EEF2: variants seen among roughly 807,000 people sequenced by gnomAD.
The protein encoded by EEF2 is elongation factor 2.
A neutral mutation model predicts 85.3 loss-of-function variants in EEF2; 21 were observed. The observed-to-expected ratio is 0.25, with a 90% CI of 0.17 to 0.35. The LOEUF (loss-of-function observed/expected upper bound fraction) is 0.35. Among genes scored for constraint, EEF2 ranks in the 10% least tolerant of loss-of-function variants. The pLI, the probability that EEF2 is intolerant of heterozygous loss-of-function variation, is 1.00. For synonymous variants in EEF2, 723 were observed against 508.8 expected (o/e 1.42, Z -5.67); for missense variants, 825 against 1,225.3 (o/e 0.67, Z 4.88).
chr19:3,977,990 C>T lies in EEF2; in HGVS notation c.1896G>A (p.Ala632=), dbSNP rs373062093. ...ACTCGTACTTCTCGGCCAGGTAGCGCGCCCGCTGCTTGAGCTCCTGACGGG... is the reference window on the plus strand; with the variant it reads ...ACTCGTACTTCTCGGCCAGGTAGCGTGCCCGCTGCTTGAGCTCCTGACGGG... ...VSARQELKQR[A]RYLAEKYEWD... The change falls in exon 12 of 15, where the codon GCG becomes GCA. Residue 632 remains alanine, a synonymous_variant. Coordinates refer to ENST00000309311, the MANE Select transcript of EEF2 (RefSeq NM_001961.4). This position sits in a 1 kb window ranked among gnomAD's most constrained non-coding sequence, Gnocchi z 5.4. 2.9e-5 allele frequency: 46 copies of T among 1,612,706 alleles called. No individual in the cohort carries two copies. The highest frequency in any genetic ancestry group is 1.7e-4 in the Middle Eastern group (1 of 6,056).
chr19:3,980,915 G>A lies in EEF2; in HGVS notation c.1076C>T (p.Pro359Leu). ...ALLQMITIHL[P>L]SPVTAQKYRC... ...GTACTTCTGGGCCGTCACAGGGGAG[G>A]GCAGGTGGATGGTGATCATCTGCAA... The change falls in exon 8 of 15, where the codon CCC becomes CTC. Residue 359 changes from proline to leucine, a missense_variant. Transcript: ENST00000309311. 1 of 1,568,614 alleles carries A rather than the reference G, an allele frequency of 6.4e-7. No homozygotes were observed. Among genetic ancestry groups the A allele is most frequent in the Non-Finnish European group, 8.6e-7 (1 of 1,157,900 alleles).
chr19:3,980,407 T>A, intron 9 of EEF2, 107 bp downstream of exon 9: 1 of 1,361,240 alleles, frequency 7.3e-7, no homozygotes, highest in East Asian at 2.4e-5. Flanking sequence ...CACCCTATAT[T>A]CCTTCTATGC....
At position 3,977,063 on chromosome 19, in the gene EEF2, G is replaced by T; in HGVS notation, c.2383+152C>A. On this transcript the variant is annotated intron_variant, in intron 14 of 14. Coordinates refer to ENST00000309311, the MANE Select transcript of EEF2 (RefSeq NM_001961.4). The surrounding 1 kb of genome is among the most constrained non-coding windows in gnomAD (Gnocchi z 5.4). ...CCCCTGGGAATTCAGTGATTTAGGG[G>T]GTCCACAAGCTGTCAGAAACTGGAC... The T allele has an allele frequency of 8.5e-7, 1 of 1,173,620 alleles. No homozygotes were observed. The highest frequency in any genetic ancestry group is 2.6e-5 in the East Asian group (1 of 39,074). 72.7% of individuals were successfully genotyped at this position (1,173,620 alleles called of 1,614,324 possible).
In EEF2 at chr19:3,982,260, C is replaced by G; in HGVS notation, c.777G>C (p.Lys259Asn). ...GCGGGGCTCACCTGTCACCCCACAG[C>G]TTCTTCATCATGTCCTCTACTTTCT... ...RAKKVEDMMK[K>N]LWGDRYFDPA... The change falls in exon 5 of 15, where the codon AAG (lysine) becomes AAC (asparagine). Residue 259 changes from lysine (K) to asparagine (N), a missense_variant. Lys to Asn is a moderately conservative substitution (Grantham distance 94). Transcript: ENST00000309311. The G allele has an allele frequency of 6.2e-7, 1 of 1,614,172 alleles. No homozygotes were observed. The highest frequency in any genetic ancestry group is 2.2e-5 in the East Asian group (1 of 44,878).
In EEF2 at chr19:3,976,482, C is replaced by CT. The variant is rs2039681132; in HGVS notation, c.*71dup. ...TGTCGGGACAGTCTCCAGGTGTCGT[C>CT]TGAGAATTCGAGGACGTGGTGCTGT... On this transcript the variant is annotated 3_prime_UTR_variant, in exon 15 of 15. Transcript: ENST00000309311. 6.6e-7 allele frequency: 1 copy of CT among 1,525,412 alleles called. No individual in the cohort carries two copies. Among genetic ancestry groups the CT allele is most frequent in the South Asian group, 1.2e-5 (1 of 83,404 alleles). 94.5% of individuals were successfully genotyped at this position (1,525,412 alleles called of 1,614,324 possible). A position where few individuals can be genotyped will look rare whatever the true frequency, so the allele number is the denominator to read the frequency against.
intron 11 of EEF2, 96 bp from the exon 12 acceptor site, chr19:3,978,268 C>T: frequency 9.0e-7 from 1 of 1,107,262 alleles, no homozygotes; most frequent in Non-Finnish European, 1.2e-6. Context: ...AGGCGGACCT[C>T]ATACAGCCTG....
In EEF2 at chr19:3,983,269, G is replaced by A. The variant is rs905404443; in HGVS notation, c.241C>T (p.Leu81Phe). 18 of 1,613,630 alleles carry A rather than the reference G, an allele frequency of 1.1e-5. No individual in the cohort carries two copies. Among genetic ancestry groups the A allele is most frequent in the Non-Finnish European group, 1.4e-5 (16 of 1,179,892 alleles). Residue 81 changes from leucine (L) to phenylalanine (F), a missense_variant, in exon 3 of 15, where the codon CTC (leucine) becomes TTC (phenylalanine). Coordinates refer to ENST00000309311, the MANE Select transcript of EEF2 (RefSeq NM_001961.4). The stretch of plus-strand genomic sequence containing the variant: ...ATGAAGTTCAAGTCATTCTCCGAGA[G>A]CTCGTAGAAGAGGGAGATGGCACTG... ...KSTAISLFYELSENDLNFIKQ... is the reference protein window; with the variant it reads ...KSTAISLFYEFSENDLNFIKQ...
chr19:3,982,486 G>T (rs753082014), intron 4 of EEF2, 62 bp from the exon 5 acceptor site: 10 of 1,605,402 alleles, frequency 6.2e-6, no homozygotes, highest in Non-Finnish European at 7.7e-6. Context: ...GAAGCTACGG[G>T]CTGGGCGCCT....
chr19:3,985,337 C>A, intron 1 of EEF2, 41 bp downstream of exon 1: 1 of 1,449,040 alleles, frequency 6.9e-7, no homozygotes, highest in Non-Finnish European at 9.1e-7. Flanking sequence ...CGCGGAGGCC[C>A]CGCCGCCGCT....
chr19:3,976,787 G>T, intron 14 of EEF2, 40 bp from the exon 15 acceptor site: 1 of 1,489,400 alleles, frequency 6.7e-7, no homozygotes. Flanking sequence ...CCATCGAGAA[G>T]GTGGCAGGGC....
chr19:3,981,557 C>T (rs1025259936), intron 6 of EEF2, 105 bp from the exon 7 acceptor site: 5 of 1,093,728 alleles, frequency 4.6e-6, no homozygotes, highest in Admixed American at 3.8e-5. Context: ...GGGGACGCAG[C>T]ACGGGAGCAG....
At chr19:3,979,571 C>T (rs2039719903) in intron 10 of EEF2, 135 bp from the exon 11 acceptor site, 2 of 943,118 alleles carry the variant, frequency 2.1e-6, no homozygotes, top group South Asian at 3.1e-5. Context: ...GGGACCAGCA[C>T]AAACTCCTGA....
intron 1 of EEF2, 159 bp downstream of exon 1, chr19:3,985,219 G>A (rs903155834): frequency 3.5e-5 from 27 of 763,978 alleles, no homozygotes; most frequent in Non-Finnish European, 4.9e-5. Flanking sequence ...GCGGCGCACA[G>A]ACATGGCGGC....
chr19:3,977,140 T>G lies in EEF2; in HGVS notation c.2383+75A>C. 6.4e-7 allele frequency: 1 copy of G among 1,570,588 alleles called. No homozygotes were observed. Among genetic ancestry groups the G allele is most frequent in the Non-Finnish European group, 8.6e-7 (1 of 1,157,750 alleles). On this transcript the variant is annotated intron_variant, in intron 14 of 14. Transcript: ENST00000309311. This position sits in a 1 kb window ranked among gnomAD's most constrained non-coding sequence, Gnocchi z 5.4. Reference sequence around the variant, plus strand: ...CATCAGGACGCCTCCTTTAACACCTTGCTAAGCTTAACTGGGCTTCTGTCC... The same window carrying G: ...CATCAGGACGCCTCCTTTAACACCTGGCTAAGCTTAACTGGGCTTCTGTCC...
At chr19:3,981,923 G>A (rs1238507373) in intron 6 of EEF2, 24 bp downstream of exon 6, 10 of 1,607,272 alleles carry the variant, frequency 6.2e-6, no homozygotes, top group Non-Finnish European at 8.5e-6. Context: ...CATCGGCGGG[G>A]TGCCTGGCGC....
intron 9 of EEF2, 86 bp downstream of exon 9, chr19:3,980,428 T>A: frequency 6.8e-7 from 1 of 1,465,336 alleles, no homozygotes; most frequent in Non-Finnish European, 9.2e-7. Context: ...TCCTTACTTC[T>A]AGCTCCCGAC....
intron 2 of EEF2, chr19:3,983,815 C>A (rs935846271): frequency 2.4e-6 from 1 of 421,320 alleles, no homozygotes. Context: ...TCCCAGCGTC[C>A]CAAGCACTAG....
intron 7 of EEF2, 59 bp from the exon 8 acceptor site, chr19:3,981,038 G>A (rs941195592): frequency 2.5e-5 from 38 of 1,526,122 alleles, no homozygotes; most frequent in East Asian, 4.9e-5. Context: ...GCCCCACCCC[G>A]TACACGCTTC....
intron 9 of EEF2, 37 bp from the exon 10 acceptor site, chr19:3,980,103 TG>T (rs771420874): frequency 6.3e-7 from 1 of 1,596,610 alleles, no homozygotes; most frequent in Admixed American, 1.7e-5. Context: ...GCCGCAGGGA[TG>T]GTTGTGCTGG....
Sources: allele counts gnomAD v4.1 joint callset, GRCh38; gene constraint gnomAD v4.1.1; non-coding constraint Gnocchi (gnomAD v3.1); transcripts MANE v1.5; gene names NCBI Gene and HGNC (gene_info 2026-07-23, HGNC 2026-07-21).